The following SGMS2 variants were observed in gnomAD, a reference collection of about 807,000 sequenced individuals.
SGMS2 encodes the protein sphingomyelin synthase 2.
Under a neutral mutation model 43.8 loss-of-function variants are expected in SGMS2, and 21 were observed. The ratio of observed to expected loss-of-function variants is 0.48; its 90% CI spans 0.34 to 0.69. The LOEUF (loss-of-function observed/expected upper bound fraction) is 0.69. Among genes scored for constraint, SGMS2 ranks in the 30% least tolerant of loss-of-function variants. SGMS2 has a pLI of 0.01. For missense variants in SGMS2, 384 were observed against 443.2 expected, an observed-to-expected ratio of 0.87 and a Z score of 1.20; for synonymous variants, 167 against 160.6, an observed-to-expected ratio of 1.04 and a Z score of -0.30.
intron 2 of SGMS2, among the ~76,000 whole-genome samples, chr4:107,868,435 C>T (rs966764739): frequency 7.2e-5 from 11 of 152,110 alleles, no homozygotes; most frequent in South Asian, 2.1e-4. Context: ...AGTTGCTGCC[C>T]GCCAGGTGTG....
At chr4:107,888,605 A>G (rs1729944533) in intron 2 of SGMS2, among the ~76,000 whole-genome samples, 1 of 150,350 alleles carries the variant, frequency 6.7e-6, no homozygotes, top group Non-Finnish European at 1.5e-5. Context: ...TTTCTTACCA[A>G]AAAAAAAATT....
At chr4:107,834,806 G>A (rs1726081506) in intron 1 of SGMS2, among the ~76,000 whole-genome samples, 1 of 152,186 alleles carries the variant, frequency 6.6e-6, no homozygotes, top group African/African-American at 2.4e-5. Flanking sequence ...GGAGGCCAAG[G>A]TGGGAGGATC....
At chr4:107,868,917 G>A (rs1159931746) in intron 2 of SGMS2, among the ~76,000 whole-genome samples, 4 of 152,038 alleles carry the variant, frequency 2.6e-5, no homozygotes, top group Non-Finnish European at 5.9e-5. Flanking sequence ...GTAATTTTGT[G>A]CATTTTCTTA....
rs1212534373 is a variant in SGMS2, at chr4:107,910,814, G to A, written c.*261G>A. 2.7e-6 allele frequency: 1 copy of A among 375,578 alleles called. No homozygotes were observed. Among genetic ancestry groups the A allele is most frequent in the African/African-American group, 2.1e-5 (1 of 48,434 alleles). The allele number at this position is 375,578 out of a possible 1,614,324, so 23.3% of individuals were successfully genotyped here. ...GGACTTTACTAATGAGCTTGTTAAA[G>A]AGGTGCCAAAGAACATATTCCTCCT... is the stretch of plus-strand genomic sequence containing the variant. On this transcript the variant is annotated 3_prime_UTR_variant, in exon 7 of 7. Transcript: ENST00000690982.
chr4:107,838,163 C>T (rs779525157), intron 1 of SGMS2, among the ~76,000 whole-genome samples: 27 of 151,990 alleles, frequency 1.8e-4, no homozygotes, highest in African/African-American at 6.3e-4. Flanking sequence ...TGAGGAGGAC[C>T]GAAAGAACAA....
intron 1 of SGMS2, among the ~76,000 whole-genome samples, chr4:107,842,501 T>G (rs1437993728): frequency 2.0e-5 from 3 of 152,138 alleles, no homozygotes; most frequent in Admixed American, 6.5e-5. Flanking sequence ...CCTCCAACAC[T>G]GGGGATTACA....
At chr4:107,891,883 C>G (rs1340986045) in intron 2 of SGMS2, among the ~76,000 whole-genome samples, 3 of 152,084 alleles carry the variant, frequency 2.0e-5, no homozygotes, top group Non-Finnish European at 4.4e-5. Context: ...ACACGTTGAA[C>G]ATACCTGGCC....
intron 2 of SGMS2, among the ~76,000 whole-genome samples, chr4:107,888,698 A>G (rs1290604223): frequency 6.6e-6 from 1 of 152,150 alleles, no homozygotes; most frequent in East Asian, 1.9e-4. Flanking sequence ...TAAGCTTTGA[A>G]TTAGACAAAA....
intron 6 of SGMS2, among the ~76,000 whole-genome samples, chr4:107,909,378 C>CACCAA (rs1731913907): frequency 3.3e-5 from 5 of 152,094 alleles, no homozygotes; most frequent in African/African-American, 9.6e-5. Context: ...CCCAAAGTGC[C>CACCAA]AGGATTATAG....
At chr4:107,826,758 G>T (rs933390320) in intron 1 of SGMS2, among the ~76,000 whole-genome samples, 11 of 152,166 alleles carry the variant, frequency 7.2e-5, no homozygotes, top group South Asian at 4.1e-4. Context: ...GACACCTTGA[G>T]GTGGCTGCAC....
chr4:107,827,288 T>C (rs993937532), intron 1 of SGMS2, among the ~76,000 whole-genome samples: 2 of 152,226 alleles, frequency 1.3e-5, no homozygotes, highest in African/African-American at 4.8e-5. Flanking sequence ...ACGTTTAGTA[T>C]GCAACAACTA....
At position 107,902,289 on chromosome 4, in the gene SGMS2, C is replaced by CAAAAA. The variant is rs34388036; in HGVS notation, c.574-936_574-932dup. Among the ~76,000 whole-genome samples the CAAAAA allele has an allele frequency of 9.9e-4, 123 of 124,562 alleles. 1 individual carries two copies. The highest frequency in any genetic ancestry group is 8.5e-4 in the Admixed American group (11 of 13,016). 81.7% of individuals were successfully genotyped at this position (124,562 alleles called of 152,430 possible). A position where few individuals can be genotyped will look rare whatever the true frequency, so the allele number is the denominator to read the frequency against. On this transcript the variant is annotated intron_variant, in intron 4 of 6. Transcript: ENST00000690982. ...TGGGTGAAAGAGCAAGACCCTGTCT[C>CAAAAA]AAAAAAAAAAAAGGTCTTTCTGTAT...
intron 1 of SGMS2, among the ~76,000 whole-genome samples, chr4:107,847,135 A>G (rs1462735005): frequency 6.6e-6 from 1 of 151,318 alleles, no homozygotes; most frequent in Non-Finnish European, 1.5e-5. Flanking sequence ...CCATTTGTCA[A>G]TTTTGGCTTT....
intron 2 of SGMS2, among the ~76,000 whole-genome samples, chr4:107,885,138 A>G (rs1002978016): frequency 6.6e-6 from 1 of 152,218 alleles, no homozygotes; most frequent in African/African-American, 2.4e-5. Flanking sequence ...TAATACTGAA[A>G]AAGTTAAAGA....
intron 1 of SGMS2, among the ~76,000 whole-genome samples, chr4:107,848,608 G>C (rs1057029804): frequency 6.6e-6 from 1 of 152,162 alleles, no homozygotes; most frequent in African/African-American, 2.4e-5. Flanking sequence ...TTTAGCTGTT[G>C]TATATGGTTG....
At chr4:107,906,243 T>C (rs1238447731) in intron 5 of SGMS2, among the ~76,000 whole-genome samples, 1 of 152,220 alleles carries the variant, frequency 6.6e-6, no homozygotes, top group African/African-American at 2.4e-5. Flanking sequence ...CTCTTTTCCT[T>C]GTTTGCTCTG....
intron 5 of SGMS2, among the ~76,000 whole-genome samples, chr4:107,906,770 A>G (rs1045947536): frequency 6.6e-6 from 1 of 152,194 alleles, no homozygotes; most frequent in African/African-American, 2.4e-5. Flanking sequence ...CTCACTTGCA[A>G]TTCCGTGAGT....
chr4:107,824,610 C>A (rs1357715075), upstream of SGMS2: 2 of 152,368 alleles, frequency 1.3e-5, no homozygotes, highest in Non-Finnish European at 2.9e-5. Flanking sequence ...AGGCCCTCAG[C>A]CTTTCGGCCG....
intron 2 of SGMS2, among the ~76,000 whole-genome samples, chr4:107,892,867 A>G (rs1730345772): frequency 6.6e-6 from 1 of 151,974 alleles, no homozygotes; most frequent in Non-Finnish European, 1.5e-5. Context: ...TTTTTCCTTT[A>G]GCTGAGTGAT....
Sources: gnomAD v4.1 joint callset for allele counts (sites outside exome capture counted in the v4.1 genomes callset) on GRCh38, gnomAD v4.1.1 for gene constraint, MANE v1.5 for transcripts, NCBI Gene and HGNC (gene_info 2026-07-23, HGNC 2026-07-21) for gene names.